Variants in RASAL2 observed in about 807,000 individuals in gnomAD.
The protein encoded by RASAL2 is RAS protein activator like 2.
In RASAL2, 58 loss-of-function variants were observed where a neutral mutation model predicts 128.9. That is an observed-to-expected ratio of 0.45 (90% CI 0.36 to 0.56). The LOEUF is 0.56. Among genes scored for constraint, RASAL2 ranks in the 20% least tolerant of loss-of-function variants. The pLI is 0.00. For missense variants in RASAL2, 1,360 were observed against 1,601.6 expected, an observed-to-expected ratio of 0.85 and a Z score of 2.57; for synonymous variants, 561 against 580.8, an observed-to-expected ratio of 0.97 and a Z score of 0.49.
At chr1:178,224,898 T>G (rs990869468) in intron 1 of RASAL2, among the ~76,000 whole-genome samples, 1 of 152,180 alleles carries the variant, frequency 6.6e-6, no homozygotes, top group African/African-American at 2.4e-5. Flanking sequence ...TAAAAGACTT[T>G]TAGCATTTAC....
At chr1:178,400,965 G>A (rs78551504) in intron 4 of RASAL2, among the ~76,000 whole-genome samples, 1 of 152,260 alleles carries the variant, frequency 6.6e-6, no homozygotes, top group East Asian at 1.9e-4. Flanking sequence ...TGGCCAGGCT[G>A]GTCTTGAACT....
intron 3 of RASAL2, among the ~76,000 whole-genome samples, chr1:178,356,119 G>A (rs986342692): frequency 7.2e-6 from 1 of 139,576 alleles, no homozygotes; most frequent in African/African-American, 2.8e-5. Context: ...AGTGAGCCGA[G>A]ATTGTGCCAC....
chr1:178,441,566 A>G lies in RASAL2; in HGVS notation c.846A>G (p.Gly282=), dbSNP rs773800728. ...TGTTGAAGGTTACCTACTTAAGTGGAAGTAAATGCTTCAGCTGTAATTCTG... is the reference window on the plus strand; with the variant it reads ...TGTTGAAGGTTACCTACTTAAGTGGGAGTAAATGCTTCAGCTGTAATTCTG... ...DFCFEVTYLS[G]SKCFSCNSAS... is the part of the protein sequence containing the mutation. The change falls in exon 7 of 18, where the codon GGA becomes GGG. Residue 282 remains glycine, a synonymous_variant. Transcript: ENST00000367649. 4.4e-5 allele frequency: 71 copies of G among 1,612,282 alleles called. No homozygotes were observed. The highest frequency in any genetic ancestry group is 5.7e-5 in the Non-Finnish European group (67 of 1,178,950).
chr1:178,161,570 A>G (rs530101366), intron 1 of RASAL2, among the ~76,000 whole-genome samples: 24 of 152,342 alleles, frequency 1.6e-4, no homozygotes, highest in African/African-American at 5.5e-4. Context: ...TAATACTGAT[A>G]TGAACATTTG....
intron 8 of RASAL2, among the ~76,000 whole-genome samples, chr1:178,443,952 A>G (rs1249198083): frequency 6.6e-6 from 1 of 152,168 alleles, no homozygotes; most frequent in African/African-American, 2.4e-5. Context: ...CACAGCTAGA[A>G]TAATGTATTT....
chr1:178,175,280 A>G (rs569252226), intron 1 of RASAL2, among the ~76,000 whole-genome samples: 2 of 152,170 alleles, frequency 1.3e-5, no homozygotes, highest in Admixed American at 1.3e-4. Flanking sequence ...AAAGTCGTAT[A>G]TGAGAGTAGA....
chr1:178,357,510 T>C (rs1348689447), intron 3 of RASAL2, among the ~76,000 whole-genome samples: 1 of 152,154 alleles, frequency 6.6e-6, no homozygotes, highest in Non-Finnish European at 1.5e-5. Flanking sequence ...TTTCTCTTAC[T>C]GATATAGGGA....
intron 7 of RASAL2, 107 bp from the exon 8 acceptor site, chr1:178,442,568 T>C: frequency 2.3e-6 from 2 of 871,742 alleles, no homozygotes; most frequent in Admixed American, 2.9e-5. Context: ...TCATTATTTG[T>C]TGACTCCCCT....
In RASAL2 at chr1:178,212,627, G is replaced by T. The variant is rs569903502; in HGVS notation, c.203-70937G>T. Among the ~76,000 whole-genome samples, 159 of 152,140 alleles carry T rather than the reference G, an allele frequency of 1.0e-3. 1 individual carries two copies. The highest frequency in any genetic ancestry group is 3.4e-3 in the African/African-American group (143 of 41,514). On this transcript the variant is annotated intron_variant, in intron 1 of 17. Coordinates refer to ENST00000367649, the MANE Select transcript of RASAL2 (RefSeq NM_170692.4). ...CTGCCTCAGCCTCCCGAGTAGGTGGGACTACAGGTATGCACCACCACGCCC... is the reference window on the plus strand; with the variant it reads ...CTGCCTCAGCCTCCCGAGTAGGTGGTACTACAGGTATGCACCACCACGCCC...
intron 1 of RASAL2, among the ~76,000 whole-genome samples, chr1:178,116,085 C>T (rs753159759): frequency 1.4e-4 from 22 of 152,120 alleles, no homozygotes; most frequent in Non-Finnish European, 2.9e-4. Context: ...TCCGTTAGTA[C>T]CCAGCACAAA....
chr1:178,206,857 A>G (rs955078636), intron 1 of RASAL2, among the ~76,000 whole-genome samples: 1 of 152,170 alleles, frequency 6.6e-6, no homozygotes, highest in Non-Finnish European at 1.5e-5. Flanking sequence ...ACTCCACTCA[A>G]TGTAATGTAA....
chr1:178,249,195 T>A (rs190523306), intron 1 of RASAL2, among the ~76,000 whole-genome samples: 1 of 152,252 alleles, frequency 6.6e-6, no homozygotes, highest in African/African-American at 2.4e-5. Flanking sequence ...ATAGGTTTGG[T>A]CTTTTCACAT....
intron 3 of RASAL2, chr1:178,341,378 G>A: frequency 7.4e-7 from 1 of 1,343,644 alleles, no homozygotes; most frequent in African/African-American, 1.5e-5. Context: ...GTGCTCTCTA[G>A]CAAAAGAATG....
At chr1:178,199,552 G>A (rs1360253543) in intron 1 of RASAL2, among the ~76,000 whole-genome samples, 1 of 152,178 alleles carries the variant, frequency 6.6e-6, no homozygotes, top group East Asian at 1.9e-4. Flanking sequence ...TTCATTATCA[G>A]TAGATTGGTT....
At chr1:178,101,588 T>C (rs1658901351) in intron 1 of RASAL2, among the ~76,000 whole-genome samples, 2 of 152,210 alleles carry the variant, frequency 1.3e-5, no homozygotes. Flanking sequence ...ATAGATAAGA[T>C]AACAAAATTC....
chr1:178,262,336 A>G (rs1665736226), intron 1 of RASAL2, among the ~76,000 whole-genome samples: 1 of 151,710 alleles, frequency 6.6e-6, no homozygotes, highest in Admixed American at 6.6e-5. Flanking sequence ...ACGTCATACA[A>G]TTTACAGATC....
At chr1:178,388,458 G>A (rs145561314) in intron 3 of RASAL2, among the ~76,000 whole-genome samples, 1 of 152,292 alleles carries the variant, frequency 6.6e-6, no homozygotes, top group East Asian at 1.9e-4. Flanking sequence ...ACTAGTGATG[G>A]TTAGAGAGAA....
intron 3 of RASAL2, among the ~76,000 whole-genome samples, chr1:178,347,244 C>A (rs951884009): frequency 1.1e-4 from 17 of 152,080 alleles, no homozygotes; most frequent in Admixed American, 1.1e-3. Context: ...GAAATTCTCC[C>A]AGTGTCAGAA....
At chr1:178,305,923 A>G (rs1245595024) in intron 3 of RASAL2, among the ~76,000 whole-genome samples, 2 of 152,230 alleles carry the variant, frequency 1.3e-5, no homozygotes, top group Admixed American at 6.5e-5. Flanking sequence ...AAGAGGAAAG[A>G]TGAAAATCCA....
Sources: gnomAD v4.1 joint callset for allele counts (sites outside exome capture counted in the v4.1 genomes callset) on GRCh38, gnomAD v4.1.1 for gene constraint, MANE v1.5 for transcripts, NCBI Gene and HGNC (gene_info 2026-07-23, HGNC 2026-07-21) for gene names.